Variants in NEK11 observed in about 807,000 individuals in gnomAD.
NEK11 encodes the protein NIMA related kinase 11, also known as serine/threonine-protein kinase Nek11.
In NEK11, 72 loss-of-function variants were observed where a neutral mutation model predicts 80.7. The ratio of observed to expected loss-of-function variants is 0.89; its 90% CI spans 0.74 to 1.08. The LOEUF (loss-of-function observed/expected upper bound fraction) is 1.08. NEK11 is among the 50% of genes least tolerant of loss of function. NEK11 has a pLI of 0.00. For synonymous variants in NEK11, 251 were observed against 260.7 expected, an observed-to-expected ratio of 0.96 and a Z score of 0.36; for missense variants, 764 against 763.6, an observed-to-expected ratio of 1.00 and a Z score of -0.01.
intron 9 of NEK11, chr3:131,154,726 C>T (rs1406315195): frequency 3.5e-6 from 1 of 282,508 alleles, no homozygotes; most frequent in Non-Finnish European, 6.8e-6. Context: ...CCTCTACAGT[C>T]TGGGAGGTTG....
intron 7 of NEK11, among the ~76,000 whole-genome samples, chr3:131,142,423 T>C (rs2087136443): frequency 6.6e-6 from 1 of 150,794 alleles, no homozygotes; most frequent in South Asian, 2.1e-4. Flanking sequence ...ACTTTTGATG[T>C]TCTGTCCATC....
At chr3:131,167,194 G>A (rs1443343473) in intron 12 of NEK11, among the ~76,000 whole-genome samples, 2 of 152,178 alleles carry the variant, frequency 1.3e-5, no homozygotes, top group East Asian at 3.8e-4. Flanking sequence ...CCTCCTGAAA[G>A]CAGTACTTCA....
chr3:131,217,189 A>T (rs1485126366), intron 14 of NEK11, among the ~76,000 whole-genome samples: 1 of 152,250 alleles, frequency 6.6e-6, no homozygotes, highest in Non-Finnish European at 1.5e-5. Context: ...TTAAAAATTG[A>T]AAAGGAAAAA....
rs560055845 is a variant in NEK11 at position 131,287,456 on chromosome 3, TA to T, written c.1718+13883del. Among the ~76,000 whole-genome samples, 322 of 152,160 alleles carry T rather than the reference TA, an allele frequency of 2.1e-3. 1 individual carries two copies. The highest frequency in any genetic ancestry group is 7.3e-3 in the African/African-American group (303 of 41,494). ...GCCTGGCTAATTTTTACATTTTTAG[TA>T]GAGATGGGGTTTCGCCATGTTGGCC... On this transcript the variant is annotated intron_variant, in intron 17 of 17. Coordinates refer to ENST00000383366, the MANE Select transcript of NEK11 (RefSeq NM_024800.5).
intron 5 of NEK11, among the ~76,000 whole-genome samples, chr3:131,117,803 T>C (rs148621181): frequency 1.9e-3 from 288 of 152,336 alleles, no homozygotes; most frequent in Admixed American, 4.8e-3. Flanking sequence ...GGAATGCTTG[T>C]GATTTTTGCA....
intron 16 of NEK11, among the ~76,000 whole-genome samples, chr3:131,262,246 A>G (rs1204404713): frequency 6.6e-6 from 1 of 152,148 alleles, no homozygotes; most frequent in Non-Finnish European, 1.5e-5. Context: ...AGAAAGCTGA[A>G]TACAGGGATG....
intron 16 of NEK11, among the ~76,000 whole-genome samples, chr3:131,249,456 A>G (rs1210826845): frequency 6.6e-6 from 1 of 152,142 alleles, no homozygotes; most frequent in African/African-American, 2.4e-5. Context: ...CTCCACTGGC[A>G]CAGCCACAAT....
chr3:131,124,959 A>AAATAGT (rs999464710), intron 5 of NEK11, among the ~76,000 whole-genome samples: 2 of 152,164 alleles, frequency 1.3e-5, no homozygotes, highest in Non-Finnish European at 2.9e-5. Context: ...AACAGTAAAA[A>AAATAGT]AATAGTAGTA....
At chr3:131,256,333 C>T (rs1341312502) in intron 16 of NEK11, among the ~76,000 whole-genome samples, 1 of 152,014 alleles carries the variant, frequency 6.6e-6, no homozygotes, top group African/African-American at 2.4e-5. Context: ...TAATTACATA[C>T]AATAATTATG....
intron 5 of NEK11, among the ~76,000 whole-genome samples, chr3:131,127,909 G>A (rs1350416461): frequency 6.6e-6 from 1 of 152,106 alleles, no homozygotes; most frequent in African/African-American, 2.4e-5. Flanking sequence ...TCAGCTGAAG[G>A]GTTTAGTTTT....
At chr3:131,191,975 A>G (rs1205817547) in intron 14 of NEK11, among the ~76,000 whole-genome samples, 1 of 152,192 alleles carries the variant, frequency 6.6e-6, no homozygotes, top group Non-Finnish European at 1.5e-5. Flanking sequence ...TTATGTATCA[A>G]AGAACAGTAT....
chr3:131,282,840 T>C (rs866961735), intron 17 of NEK11, among the ~76,000 whole-genome samples: 1 of 152,172 alleles, frequency 6.6e-6, no homozygotes, highest in African/African-American at 2.4e-5. Flanking sequence ...AAGCACTTGC[T>C]AAAAATGTTC....
intron 17 of NEK11, among the ~76,000 whole-genome samples, chr3:131,320,517 G>A (rs925428653): frequency 1.4e-4 from 21 of 147,976 alleles, no homozygotes; most frequent in East Asian, 2.0e-4. Context: ...TGGGGAAGAG[G>A]AGGGAGAGAG....
chr3:131,233,186 A>G (rs566371825), intron 15 of NEK11, among the ~76,000 whole-genome samples: 2 of 152,214 alleles, frequency 1.3e-5, no homozygotes, highest in African/African-American at 4.8e-5. Context: ...CAATTCTGAA[A>G]AAGGTTTGGC....
chr3:131,171,622 T>G (rs1009321725), intron 14 of NEK11, among the ~76,000 whole-genome samples: 2 of 152,198 alleles, frequency 1.3e-5, no homozygotes, highest in Non-Finnish European at 2.9e-5. Context: ...GAAATAAGAA[T>G]AATAATGCCT....
Position 131,152,795 on chromosome 3 carries a change from G to T in NEK11, c.876+86G>T, listed in dbSNP as rs2089930841. 8 of 942,604 alleles carry T rather than the reference G, an allele frequency of 8.5e-6. No homozygotes were observed. The South Asian group carries it at 1.1e-4, about 12-fold the overall frequency. The allele number at this position is 942,604 out of a possible 1,614,324, so 58.4% of individuals were successfully genotyped here. ...ACTTGAAGATATGCAGTGGGGATAT[G>T]ATTCAGTAAGAATCAACCAGAAAGG... On this transcript the variant is annotated intron_variant, in intron 9 of 17. Transcript: ENST00000383366.
chr3:131,286,784 C>T (rs1265647958), intron 17 of NEK11, among the ~76,000 whole-genome samples: 1 of 152,266 alleles, frequency 6.6e-6, no homozygotes, highest in East Asian at 1.9e-4. Context: ...GGCAAGTTTA[C>T]TCTGACAGTA....
intron 14 of NEK11, among the ~76,000 whole-genome samples, chr3:131,177,555 G>A (rs1056432422): frequency 1.3e-5 from 2 of 152,148 alleles, no homozygotes; most frequent in South Asian, 4.1e-4. Context: ...CCAGCTCAAA[G>A]ACGTCCTCCT....
intron 17 of NEK11, among the ~76,000 whole-genome samples, chr3:131,309,360 T>C (rs1469191094): frequency 6.6e-6 from 1 of 152,208 alleles, no homozygotes; most frequent in Non-Finnish European, 1.5e-5. Context: ...CTGGCATTAT[T>C]ATTTGGATTG....
Sources: gnomAD v4.1 joint callset for allele counts (sites outside exome capture counted in the v4.1 genomes callset) on GRCh38, gnomAD v4.1.1 for gene constraint, MANE v1.5 for transcripts, NCBI Gene and HGNC (gene_info 2026-07-23, HGNC 2026-07-21) for gene names.